The following SF1 variants were observed in gnomAD, a reference collection of about 807,000 sequenced individuals.
SF1 encodes splicing factor 1.
Under a neutral mutation model 62.5 loss-of-function variants are expected in SF1, and 7 were observed. The observed-to-expected ratio is 0.11, with a 90% CI of 0.06 to 0.21. SF1 has a LOEUF of 0.21. Ranked by LOEUF, SF1 falls within the 10% of genes least tolerant of loss-of-function variation. SF1 has a pLI of 1.00. For missense variants in SF1, 578 were observed against 884.0 expected (o/e 0.65, Z 4.39); for synonymous variants, 394 against 323.6 (o/e 1.22, Z -2.33).
chr11:64,769,312 G>A lies in SF1; in HGVS notation c.690C>T (p.Ile230=), dbSNP rs150432446. 88 of 1,614,084 alleles carry A rather than the reference G, an allele frequency of 5.5e-5. No homozygotes were observed. Among genetic ancestry groups the A allele is most frequent in the Admixed American group, 3.7e-4 (22 of 60,018 alleles). Residue 230 remains isoleucine (I), a synonymous_variant, in exon 7 of 13, where the codon ATC becomes ATT. Coordinates refer to ENST00000377390, the MANE Select transcript of SF1 (RefSeq NM_004630.4). The part of the protein sequence containing the change: ...EQIRNILKQG[I]ETPEDQNDLR... ...GATCATTCTGGTCCTCTGGAGTCTC[G>A]ATACCCTGCTTCAGGATGTTTCTTA...
rs772895040 is a variant in SF1 at position 64,768,140 on chromosome 11, C to T, written c.1034G>A (p.Arg345His). 11 of 1,612,572 alleles carry T rather than the reference C, an allele frequency of 6.8e-6. No individual in the cohort carries two copies. The highest frequency in any genetic ancestry group is 2.7e-5 in the African/African-American group (2 of 74,852). The change falls in exon 9 of 13, where the codon CGT becomes CAT. Residue 345 changes from arginine (R) to histidine (H), a missense_variant. By Grantham distance (29) the Arg-to-His change is conservative. Coordinates refer to ENST00000377390, the MANE Select transcript of SF1 (RefSeq NM_004630.4). ...PATTPLASAP[R>H]PAAPANNPPP... ...TGGGTTGTTGGCGGGAGCAGCAGGACGAGGTGCGCTGGCCAGGGGTGTGGT... is the reference window on the plus strand; with the variant it reads ...TGGGTTGTTGGCGGGAGCAGCAGGATGAGGTGCGCTGGCCAGGGGTGTGGT...
intron 1 of SF1, chr11:64,777,585 G>T: frequency 2.0e-6 from 2 of 985,398 alleles, no homozygotes; most frequent in Non-Finnish European, 2.4e-6. Context: ...AAGACCAGAA[G>T]GGAGTCGCTG....
chr11:64,768,921 G>C, intron 8 of SF1, 101 bp downstream of exon 8: 3 of 832,846 alleles, frequency 3.6e-6, no homozygotes, highest in Non-Finnish European at 6.4e-6. Context: ...TAACAGAAAG[G>C]ATGTTTCTCT....
chr11:64,773,065 T>A lies in SF1; in HGVS notation c.236+365A>T, dbSNP rs1938576363. 5.4e-6 allele frequency: 6 copies of A among 1,120,862 alleles called. No individual in the cohort carries two copies. In the South Asian group the frequency reaches 1.1e-4, roughly 20 times the overall value. 69.4% of individuals were successfully genotyped at this position (1,120,862 alleles called of 1,614,324 possible). ...ATTTTTAGTCCCTGCACTGTGTACC[T>A]GTGAGAAAAACTCTATGCCCTGGGC... On this transcript the variant is annotated intron_variant, in intron 3 of 12. Transcript: ENST00000377390.
At chr11:64,776,792 A>T (rs1480832902) in intron 1 of SF1, among the ~76,000 whole-genome samples, 166 bp from the exon 2 acceptor site, 1 of 152,234 alleles carries the variant, frequency 6.6e-6, no homozygotes. Context: ...GAGATCAGAG[A>T]TTTAAAGCTT....
chr11:64,774,729 G>A (rs1938877865), intron 2 of SF1, among the ~76,000 whole-genome samples: 1 of 152,120 alleles, frequency 6.6e-6, no homozygotes, highest in Non-Finnish European at 1.5e-5. Context: ...GGAGGCCAAG[G>A]CAGGCAGATC....
Position 64,778,040 on chromosome 11 carries a change from GGCGGCGGCT to G in SF1, c.31+313_31+321del, listed in dbSNP as rs1406086435. 15 of 1,011,264 alleles carry G rather than the reference GGCGGCGGCT, an allele frequency of 1.5e-5. 1 individual carries two copies. Among genetic ancestry groups the G allele is most frequent in the Middle Eastern group, 9.5e-4 (2 of 2,098 alleles). The allele number at this position is 1,011,264 out of a possible 1,614,324, so 62.6% of individuals were successfully genotyped here. A position where few individuals can be genotyped will look rare whatever the true frequency, so the allele number is the denominator to read the frequency against. On this transcript the variant is annotated intron_variant, in intron 1 of 12. Coordinates refer to ENST00000377390, the MANE Select transcript of SF1 (RefSeq NM_004630.4). ...CTGGTCCTTACGCGGCGGCTGGGGT[GGCGGCGGCT>G]GCGGCGGCGACACGCGCTGGTAGAG...
At chr11:64,767,543 C>G (rs756546594) in intron 10 of SF1, 28 bp downstream of exon 10, 2 of 1,526,286 alleles carry the variant, frequency 1.3e-6, no homozygotes, top group Non-Finnish European at 1.8e-6. Context: ...CCAAAGCCCC[C>G]AAGGTTTCTG....
At position 64,769,884 on chromosome 11, in the gene SF1, A is replaced by T; in HGVS notation, c.479+80T>A. On this transcript the variant is annotated intron_variant, in intron 5 of 12. Coordinates refer to ENST00000377390, the MANE Select transcript of SF1 (RefSeq NM_004630.4). Reference sequence around the variant, plus strand: ...CCAAAAAGGGGAAAAGTAAGCCAACAGTCCCCAATTAGGCACAAAACGGAC... The same window carrying T: ...CCAAAAAGGGGAAAAGTAAGCCAACTGTCCCCAATTAGGCACAAAACGGAC... 2.8e-6 allele frequency: 3 copies of T among 1,079,474 alleles called. No individual in the cohort carries two copies. In the South Asian group the frequency reaches 4.1e-5, roughly 15 times the overall value. The allele number at this position is 1,079,474 out of a possible 1,614,324, so 66.9% of individuals were successfully genotyped here.
intron 1 of SF1, chr11:64,778,007 C>A: frequency 1.0e-6 from 1 of 1,001,576 alleles, no homozygotes; most frequent in African/African-American, 1.7e-5. Flanking sequence ...GCCGGCCGGG[C>A]CCGGCTGCTG....
intron 1 of SF1, chr11:64,778,003 C>A (rs924738515): frequency 1.3e-4 from 129 of 1,000,060 alleles, no homozygotes; most frequent in Non-Finnish European, 1.4e-4. Context: ...CGCCGCCGGC[C>A]GGGCCCGGCT....
At position 64,778,393 on chromosome 11, in the gene SF1, G is replaced by T; in HGVS notation, c.-1C>A. 1 of 1,228,612 alleles carries T rather than the reference G, an allele frequency of 8.1e-7. No individual in the cohort carries two copies. 76.1% of individuals were successfully genotyped at this position (1,228,612 alleles called of 1,614,324 possible). On this transcript the variant is annotated 5_prime_UTR_variant, in exon 1 of 13. Transcript: ENST00000377390. ...GCGTGGCGTTCGCTCCGGTCGCCAT[G>T]GCGCCCCCGGGGACAGGCACCGGCA...
At chr11:64,773,990 T>C (rs558216274) in intron 2 of SF1, among the ~76,000 whole-genome samples, 1 of 152,304 alleles carries the variant, frequency 6.6e-6, no homozygotes, top group South Asian at 2.1e-4. Flanking sequence ...AAAATACCAA[T>C]TGAGCAAAGA....
At chr11:64,773,105 G>A (rs1196047474) in intron 3 of SF1, 2 of 1,168,246 alleles carry the variant, frequency 1.7e-6, no homozygotes, top group African/African-American at 3.3e-5. Context: ...GGCCAAAGCA[G>A]GTACTGAAAA....
chr11:64,773,357 T>C, intron 3 of SF1, 73 bp downstream of exon 3: 1 of 1,570,882 alleles, frequency 6.4e-7, no homozygotes, highest in South Asian at 1.2e-5. Context: ...TGACACAATA[T>C]GTTGCCACCA....
chr11:64,769,957 T>A lies in SF1; in HGVS notation c.479+7A>T. 1 of 1,604,734 alleles carries A rather than the reference T, an allele frequency of 6.2e-7. No homozygotes were observed. The highest frequency in any genetic ancestry group is 8.5e-7 in the Non-Finnish European group (1 of 1,171,504). On this transcript the variant is annotated splice_region_variant and intron_variant, in intron 5 of 12. Coordinates refer to ENST00000377390, the MANE Select transcript of SF1 (RefSeq NM_004630.4). Reference sequence around the variant, plus strand: ...ATTCTATATCCTATAGACCAGCAGTTACTCACCTGGGCCCGATGAGCAGCC... The same window carrying A: ...ATTCTATATCCTATAGACCAGCAGTAACTCACCTGGGCCCGATGAGCAGCC...
intron 2 of SF1, 75 bp from the exon 3 acceptor site, chr11:64,773,580 C>T (rs1938652108): frequency 2.7e-6 from 4 of 1,495,212 alleles, no homozygotes; most frequent in Non-Finnish European, 3.6e-6. Context: ...TCTCAAATCT[C>T]AACAACAAGC....
At chr11:64,773,073 A>G (rs1938578733) in intron 3 of SF1, 1 of 1,125,936 alleles carries the variant, frequency 8.9e-7, no homozygotes, top group African/African-American at 1.7e-5. Flanking sequence ...CCTGTGAGAA[A>G]AACTCTATGC....
At chr11:64,767,924 C>G (rs1439724314) in intron 9 of SF1, 80 bp from the exon 10 acceptor site, 1 of 1,544,874 alleles carries the variant, frequency 6.5e-7, no homozygotes, top group Non-Finnish European at 8.7e-7. Flanking sequence ...TGACACAGGA[C>G]CAGAACACAA....
Sources: allele counts gnomAD v4.1 joint callset (sites outside exome capture counted in the v4.1 genomes callset), GRCh38; gene constraint gnomAD v4.1.1; transcripts MANE v1.5; gene names NCBI Gene and HGNC (gene_info 2026-07-23, HGNC 2026-07-21).